ZNF567: variants seen among roughly 807,000 people sequenced by gnomAD.
The protein encoded by ZNF567 is zinc finger protein 567.
Under a neutral mutation model 53.9 loss-of-function variants are expected in ZNF567, and 36 were observed. The observed-to-expected ratio is 0.67, with a 90% CI of 0.51 to 0.88. ZNF567 has a LOEUF of 0.88. ZNF567 is among the 40% of genes least tolerant of loss of function. ZNF567 has a pLI of 0.00. For synonymous variants in ZNF567, 224 were observed against 260.4 expected, an observed-to-expected ratio of 0.86 and a Z score of 1.35; for missense variants, 619 against 764.7, an observed-to-expected ratio of 0.81 and a Z score of 2.25.
At chr19:36,694,436 G>A (rs1172960409) in intron 2 of ZNF567, among the ~76,000 whole-genome samples, 1 of 152,174 alleles carries the variant, frequency 6.6e-6, no homozygotes, top group African/African-American at 2.4e-5. Context: ...TGTATCAGTA[G>A]TATTCCTCAG....
Position 36,719,170 on chromosome 19 carries a change from T to C in ZNF567, c.446T>C (p.Ile149Thr), listed in dbSNP as rs2040199403. 6.2e-7 allele frequency: 1 copy of C among 1,612,922 alleles called. No individual in the cohort carries two copies. Among genetic ancestry groups the C allele is most frequent in the Non-Finnish European group, 8.5e-7 (1 of 1,179,712 alleles). ...TTGAAAAATGTTTCAGAATTAATCATCAGTAATCTAAATCCTGCAAGAAAG... is the reference window on the plus strand; with the variant it reads ...TTGAAAAATGTTTCAGAATTAATCACCAGTAATCTAAATCCTGCAAGAAAG... ...RILKNVSELI[I>T]SNLNPARKRL... is the part of the protein sequence containing the mutation. The change falls in exon 6 of 6, where the codon ATC becomes ACC. Residue 149 changes from isoleucine to threonine, a missense_variant. Coordinates refer to ENST00000682579, the MANE Select transcript of ZNF567 (RefSeq NM_001322917.1).
At chr19:36,679,002 AG>A in the ZNF567 span, among the ~76,000 whole-genome samples, 1 of 151,974 alleles carries the variant, frequency 6.6e-6, no homozygotes, top group Non-Finnish European at 1.5e-5. Flanking sequence ...AGCCACGATG[AG>A]GGGCCGAGCG....
chr19:36,720,246 A>G lies in ZNF567; in HGVS notation c.1522A>G (p.Asn508Asp), dbSNP rs1250915607. The change falls in exon 6 of 6, where the codon AAT becomes GAT. Residue 508 changes from asparagine to aspartate, a missense_variant. Asn to Asp is a conservative substitution (Grantham distance 23). Coordinates refer to ENST00000682579, the MANE Select transcript of ZNF567 (RefSeq NM_001322917.1). Reference sequence around the variant, plus strand: ...CACAGGAGAGAAACCATATGAATGTAATGAATGTGGTAAATCATTCAGTCA... The same window carrying G: ...CACAGGAGAGAAACCATATGAATGTGATGAATGTGGTAAATCATTCAGTCA... ...THTGEKPYECNECGKSFSQKT... is the reference protein window; with the variant it reads ...THTGEKPYECDECGKSFSQKT... 6.2e-7 allele frequency: 1 copy of G among 1,614,150 alleles called. No individual in the cohort carries two copies. Among genetic ancestry groups the G allele is most frequent in the Admixed American group, 1.7e-5 (1 of 60,022 alleles).
intron 3 of ZNF567, among the ~76,000 whole-genome samples, chr19:36,702,736 ATTC>A (rs2039270255): frequency 6.6e-6 from 1 of 152,120 alleles, no homozygotes; most frequent in African/African-American, 2.4e-5. Context: ...AGGCTTCTGC[ATTC>A]TTCATGTAGT....
At chr19:36,675,840 C>A in the ZNF567 span, among the ~76,000 whole-genome samples, 1 of 152,052 alleles carries the variant, frequency 6.6e-6, no homozygotes, top group Admixed American at 6.6e-5. Context: ...CAGAGCAAGA[C>A]TCTGTCTCAA....
upstream of ZNF567, among the ~76,000 whole-genome samples, chr19:36,682,958 CCTCT>C (rs1203793956): frequency 2.0e-5 from 3 of 151,360 alleles, no homozygotes; most frequent in African/African-American, 7.3e-5. Flanking sequence ...ATTTGTGCTT[CCTCT>C]CTCTCTCTTT....
At chr19:36,724,004 C>CTTTTTTTTT (rs536627641), downstream of ZNF567, among the ~76,000 whole-genome samples, 3 of 98,382 alleles carry the variant, frequency 3.0e-5, no homozygotes, top group African/African-American at 8.3e-5. Flanking sequence ...TTCTGTATTT[C>CTTTTTTTTT]TTTTTTTTTT....
chr19:36,712,790 T>A lies in ZNF567; in HGVS notation c.146T>A (p.Met49Lys). ...TTTTTTCACTTTTCAGGGTGTCACA[T>A]GACCAAACCTGATGTGATCCTCAAG... ...YCHLISVGCH[M>K]TKPDVILKLE... The change falls in exon 5 of 6, where the codon ATG (methionine) becomes AAG (lysine). Residue 49 changes from methionine (M) to lysine (K), a missense_variant. Met to Lys is a moderately conservative substitution (Grantham distance 95). Coordinates refer to ENST00000682579, the MANE Select transcript of ZNF567 (RefSeq NM_001322917.1). The A allele has an allele frequency of 6.2e-7, 1 of 1,613,690 alleles. No individual in the cohort carries two copies. Among genetic ancestry groups the A allele is most frequent in the Non-Finnish European group, 8.5e-7 (1 of 1,179,878 alleles).
chr19:36,718,791 C>A (rs984498073), intron 5 of ZNF567, among the ~76,000 whole-genome samples, 157 bp from the exon 6 acceptor site: 1 of 152,114 alleles, frequency 6.6e-6, no homozygotes, highest in African/African-American at 2.4e-5. Flanking sequence ...CACTCTGAAG[C>A]AGTTTTTGTT....
intron 2 of ZNF567, among the ~76,000 whole-genome samples, chr19:36,692,439 C>T (rs375543434): frequency 3.8e-4 from 58 of 152,292 alleles, no homozygotes; most frequent in African/African-American, 1.4e-3. Context: ...GTGGCACAGT[C>T]ATAGTTCATT....
At chr19:36,672,312 A>G in the ZNF567 span, among the ~76,000 whole-genome samples, 2 of 152,222 alleles carry the variant, frequency 1.3e-5, no homozygotes, top group African/African-American at 4.8e-5. Flanking sequence ...AACTGGTGAC[A>G]AGGAATTCTA....
the ZNF567 span, among the ~76,000 whole-genome samples, chr19:36,681,382 C>A: frequency 1.3e-5 from 2 of 152,194 alleles, no homozygotes; most frequent in East Asian, 3.9e-4. Flanking sequence ...GTTAATTTCT[C>A]TTACCCATCT....
Position 36,708,797 on chromosome 19 carries a change from G to A in ZNF567, c.10-3589G>A, listed in dbSNP as rs181868762. 1.5e-3 allele frequency among the ~76,000 whole-genome samples: 222 copies of A among 151,994 alleles called. 2 individuals are homozygous for A. The highest frequency in any genetic ancestry group is 4.1e-3 in the African/African-American group (170 of 41,528). ...TATGCATTTGAATTCCTCCTAACCCGTTCTTGCTTATCTGTTCCTACATTC... is the reference window on the plus strand; with the variant it reads ...TATGCATTTGAATTCCTCCTAACCCATTCTTGCTTATCTGTTCCTACATTC... On this transcript the variant is annotated intron_variant, in intron 3 of 5. Transcript: ENST00000682579.
the ZNF567 span, among the ~76,000 whole-genome samples, chr19:36,670,397 T>C: frequency 6.6e-6 from 1 of 152,198 alleles, no homozygotes; most frequent in Admixed American, 6.5e-5. Context: ...TTTTTTTTAC[T>C]ATTTTTGTAA....
chr19:36,726,229 C>G (rs2040334600), downstream of ZNF567, among the ~76,000 whole-genome samples: 1 of 152,112 alleles, frequency 6.6e-6, no homozygotes, highest in African/African-American at 2.4e-5. Context: ...TTTATGATGT[C>G]TGCTTCATGT....
chr19:36,722,838 TG>T (rs1177194122), downstream of ZNF567, among the ~76,000 whole-genome samples: 1 of 152,146 alleles, frequency 6.6e-6, no homozygotes, highest in Non-Finnish European at 1.5e-5. Flanking sequence ...AATTTAGACT[TG>T]ATAGTAGCAC....
the ZNF567 span, among the ~76,000 whole-genome samples, chr19:36,676,788 T>C: frequency 1.3e-5 from 2 of 152,042 alleles, no homozygotes; most frequent in African/African-American, 2.4e-5. Context: ...AAGGCCAAGG[T>C]TGGGGGATCG....
chr19:36,697,094 A>G (rs1176371218), intron 3 of ZNF567, among the ~76,000 whole-genome samples: 3 of 152,210 alleles, frequency 2.0e-5, no homozygotes, highest in African/African-American at 4.8e-5. Flanking sequence ...TACGAGAATA[A>G]TAATCATTAA....
chr19:36,707,370 G>T (rs1239150498), intron 3 of ZNF567, among the ~76,000 whole-genome samples: 2 of 152,134 alleles, frequency 1.3e-5, no homozygotes, highest in Non-Finnish European at 2.9e-5. Context: ...ATTTTGCTTA[G>T]TTTATATTGC....
Sources: gnomAD v4.1 joint callset for allele counts (sites outside exome capture counted in the v4.1 genomes callset) on GRCh38, gnomAD v4.1.1 for gene constraint, MANE v1.5 for transcripts, NCBI Gene and HGNC (gene_info 2026-07-23, HGNC 2026-07-21) for gene names.